The following HPSE2 variants were observed in gnomAD, a reference collection of about 807,000 sequenced individuals.
HPSE2 encodes the protein inactive heparanase-2.
HPSE2 carries 38 observed loss-of-function variants against 60.5 expected under a neutral mutation model. The ratio of observed to expected loss-of-function variants is 0.63; its 90% CI spans 0.48 to 0.82. The LOEUF (loss-of-function observed/expected upper bound fraction) is 0.82, where lower values mean the gene tolerates loss of function less well. Ranked by LOEUF, HPSE2 falls within the 40% of genes least tolerant of loss-of-function variation. HPSE2 has a pLI of 0.00. For missense variants in HPSE2, 713 were observed against 740.4 expected, an observed-to-expected ratio of 0.96 and a Z score of 0.43; for synonymous variants, 295 against 293.2, an observed-to-expected ratio of 1.01 and a Z score of -0.06.
At chr10:98,881,355 G>C (rs1044812955) in intron 3 of HPSE2, among the ~76,000 whole-genome samples, 5 of 152,034 alleles carry the variant, frequency 3.3e-5, no homozygotes, top group Admixed American at 1.3e-4. Flanking sequence ...GAAGGTAGGG[G>C]TTGCACATAT....
At chr10:99,166,850 G>GAA (rs759727683) in intron 2 of HPSE2, among the ~76,000 whole-genome samples, 53 of 124,674 alleles carry the variant, frequency 4.3e-4, no homozygotes, top group African/African-American at 9.7e-4. Flanking sequence ...CCATCTCAAA[G>GAA]AAAAAAAAAA....
intron 3 of HPSE2, among the ~76,000 whole-genome samples, chr10:98,757,574 C>T (rs916651208): frequency 3.9e-5 from 6 of 152,004 alleles, no homozygotes; most frequent in African/African-American, 1.4e-4. Context: ...AATGCAATTC[C>T]ATTCACCATA....
intron 3 of HPSE2, among the ~76,000 whole-genome samples, chr10:98,821,640 A>G (rs1951426826): frequency 6.6e-6 from 1 of 152,214 alleles, no homozygotes; most frequent in African/African-American, 2.4e-5. Flanking sequence ...TTACACCAAC[A>G]GCCGTTACGC....
At chr10:98,633,476 G>A (rs1395781166) in intron 7 of HPSE2, among the ~76,000 whole-genome samples, 1 of 152,164 alleles carries the variant, frequency 6.6e-6, no homozygotes, top group Non-Finnish European at 1.5e-5. Context: ...GACTCCCAAA[G>A]TGCTGAGATT....
intron 3 of HPSE2, among the ~76,000 whole-genome samples, chr10:99,056,616 C>T (rs1237331644): frequency 6.6e-6 from 1 of 152,094 alleles, no homozygotes; most frequent in East Asian, 1.9e-4. Context: ...GAATATTAAT[C>T]TCCCTAAAAA....
intron 2 of HPSE2, among the ~76,000 whole-genome samples, chr10:99,185,399 T>C (rs1847965765): frequency 1.3e-5 from 2 of 152,008 alleles, no homozygotes; most frequent in African/African-American, 4.8e-5. Context: ...AACAATACCA[T>C]AATCATCATA....
At chr10:99,084,092 T>A (rs1416239685) in intron 3 of HPSE2, among the ~76,000 whole-genome samples, 1 of 151,126 alleles carries the variant, frequency 6.6e-6, no homozygotes. Context: ...AGGGCTGTCA[T>A]TCACAGCCAG....
intron 3 of HPSE2, among the ~76,000 whole-genome samples, chr10:98,829,577 G>A (rs1025522246): frequency 6.6e-6 from 1 of 152,016 alleles, no homozygotes; most frequent in African/African-American, 2.4e-5. Flanking sequence ...GGTAATGGTT[G>A]CGCAACAATG....
rs568966057 is a variant in HPSE2, at chr10:99,103,533, G to A, written c.610+40705C>T. Reference sequence around the variant, plus strand: ...TCCATGCTCATGGGTAGGAAGAATCGATATCGTGAAAATGGCCATACTGCC... The same window carrying A: ...TCCATGCTCATGGGTAGGAAGAATCAATATCGTGAAAATGGCCATACTGCC... On this transcript the variant is annotated intron_variant, in intron 3 of 11. Coordinates refer to ENST00000370552, the MANE Select transcript of HPSE2 (RefSeq NM_021828.5). 3.9e-3 allele frequency among the ~76,000 whole-genome samples: 587 copies of A among 152,050 alleles called. 2 individuals are homozygous for A. The highest frequency in any genetic ancestry group is 5.3e-3 in the Admixed American group (81 of 15,280).
chr10:99,295,958 A>G, the HPSE2 span, among the ~76,000 whole-genome samples: 1 of 152,192 alleles, frequency 6.6e-6, no homozygotes, highest in Non-Finnish European at 1.5e-5. Flanking sequence ...TGCCTCCAAA[A>G]AGTGTCCCCT....
At chr10:99,205,909 T>G (rs910207995) in intron 2 of HPSE2, among the ~76,000 whole-genome samples, 2 of 152,212 alleles carry the variant, frequency 1.3e-5, no homozygotes, top group African/African-American at 4.8e-5. Context: ...CAGTAAAAAG[T>G]GATCTCTTAT....
At chr10:98,744,775 G>T (rs1342467019) in intron 3 of HPSE2, among the ~76,000 whole-genome samples, 1 of 152,136 alleles carries the variant, frequency 6.6e-6, no homozygotes, top group African/African-American at 2.4e-5. Flanking sequence ...ATGAATAATA[G>T]GGTACAAGGC....
At chr10:99,179,646 AT>A (rs1178540756) in intron 2 of HPSE2, among the ~76,000 whole-genome samples, 2 of 152,120 alleles carry the variant, frequency 1.3e-5, no homozygotes, top group Non-Finnish European at 2.9e-5. Flanking sequence ...ATGCTTATGG[AT>A]AGGAAGAATC....
At chr10:98,909,744 G>T (rs985501589) in intron 3 of HPSE2, among the ~76,000 whole-genome samples, 11 of 151,820 alleles carry the variant, frequency 7.2e-5, no homozygotes, top group African/African-American at 2.7e-4. Flanking sequence ...TGAAATGCAG[G>T]TAAAAACTTA....
At chr10:99,277,979 C>G in the HPSE2 span, among the ~76,000 whole-genome samples, 3 of 151,626 alleles carry the variant, frequency 2.0e-5, no homozygotes, top group African/African-American at 7.3e-5. Context: ...CACCTGTAAT[C>G]CCAGCTACTC....
At chr10:98,862,009 T>G (rs1952469565) in intron 3 of HPSE2, among the ~76,000 whole-genome samples, 1 of 152,194 alleles carries the variant, frequency 6.6e-6, no homozygotes, top group African/African-American at 2.4e-5. Context: ...AAATCCATGT[T>G]TGGACTGACA....
chr10:99,255,588 ACACACACG>A, the HPSE2 span, among the ~76,000 whole-genome samples: 4 of 139,884 alleles, frequency 2.9e-5, no homozygotes, highest in African/African-American at 5.9e-5. Flanking sequence ...ACACACACAC[ACACACACG>A]ACTACAATAG....
intron 3 of HPSE2, among the ~76,000 whole-genome samples, chr10:98,906,784 G>A (rs535854394): frequency 2.4e-4 from 36 of 151,986 alleles, no homozygotes; most frequent in Admixed American, 3.3e-4. Flanking sequence ...CGCACCAGTA[G>A]TCCCAGCTAC....
intron 3 of HPSE2, among the ~76,000 whole-genome samples, chr10:98,986,317 T>C (rs1225632578): frequency 6.6e-6 from 1 of 151,648 alleles, no homozygotes; most frequent in South Asian, 2.1e-4. Flanking sequence ...GCAATCAAAC[T>C]AGAACTCAGG....
Sources: gnomAD v4.1 joint callset for allele counts (sites outside exome capture counted in the v4.1 genomes callset) on GRCh38, gnomAD v4.1.1 for gene constraint, MANE v1.5 for transcripts, NCBI Gene and HGNC (gene_info 2026-07-23, HGNC 2026-07-21) for gene names.